FGFBP2: variants seen among roughly 807,000 people sequenced by gnomAD.
The protein encoded by FGFBP2 is fibroblast growth factor binding protein 2.
Under a neutral mutation model 7.3 loss-of-function variants are expected in FGFBP2, and 7 were observed. The ratio of observed to expected loss-of-function variants is 0.96; its 90% CI spans 0.55 to 1.81. FGFBP2 has a LOEUF of 1.81. FGFBP2 is among the 40% of genes most tolerant of loss of function. The pLI, the probability that FGFBP2 is intolerant of heterozygous loss-of-function variation, is 0.00. For missense variants in FGFBP2, 291 were observed against 280.1 expected, an observed-to-expected ratio of 1.04 and a Z score of -0.28; for synonymous variants, 131 against 110.2, an observed-to-expected ratio of 1.19 and a Z score of -1.18.
rs145552265 is a variant in FGFBP2, at chr4:15,962,437, C to A, written c.*20+1G>T. The A allele has an allele frequency of 3.9e-6, 6 of 1,535,574 alleles. No individual in the cohort carries two copies. In the African/African-American group the frequency reaches 8.3e-5, roughly 21 times the overall value. ...TATATGAGTAAAGGAAAGGGTATTA[C>A]CTGTAGGGGTCTTTCACCTGTCACC... On this transcript the variant is annotated splice_donor_variant, in intron 1 of 1. Transcript: ENST00000259989. LOFTEE classifies it low-confidence loss of function (3UTR_SPLICE).
At chr4:15,960,655 T>C (rs1713064672) in intron 1 of FGFBP2, 44 bp from the exon 2 acceptor site, 1 of 151,816 alleles carries the variant, frequency 6.6e-6, no homozygotes, top group Non-Finnish European at 1.5e-5. Context: ...GATGAAAAAT[T>C]CTTTCTTTGT....
rs369364893 is a variant in FGFBP2, at chr4:15,962,446, G to T, written c.*12C>A. 1 of 1,544,344 alleles carries T rather than the reference G, an allele frequency of 6.5e-7. No homozygotes were observed. The highest frequency in any genetic ancestry group is 1.4e-5 in the African/African-American group (1 of 72,778). The stretch of plus-strand genomic sequence containing the variant: ...AAAGGAAAGGGTATTACCTGTAGGG[G>T]TCTTTCACCTGTCACCCTCGGAAGA... On this transcript the variant is annotated 3_prime_UTR_variant, in exon 1 of 2. Coordinates refer to ENST00000259989, the MANE Select transcript of FGFBP2 (RefSeq NM_031950.4).
rs1041219863 is a variant in FGFBP2, at chr4:15,960,419, TG to T, written c.*212del. ...TGTCACTCTTGGGCCCATCAGCACC[TG>T]TTCCCTATCATATTGCTGAACTCTG... On this transcript the variant is annotated 3_prime_UTR_variant, in exon 2 of 2. Coordinates refer to ENST00000259989, the MANE Select transcript of FGFBP2 (RefSeq NM_031950.4). The T allele has an allele frequency of 1.3e-5, 2 of 152,188 alleles. No homozygotes were observed. The highest frequency in any genetic ancestry group is 4.8e-5 in the African/African-American group (2 of 41,440). 9.4% of individuals were successfully genotyped at this position (152,188 alleles called of 1,614,324 possible). A position where few individuals can be genotyped will look rare whatever the true frequency, so the allele number is the denominator to read the frequency against.
chr4:15,962,704 C>G lies in FGFBP2; in HGVS notation c.426G>C (p.Gln142His), dbSNP rs750668613. The G allele has an allele frequency of 2.5e-6, 4 of 1,614,082 alleles. No individual in the cohort carries two copies. The highest frequency in any genetic ancestry group is 3.4e-6 in the Non-Finnish European group (4 of 1,180,040). The change falls in exon 1 of 2, where the codon CAG becomes CAC. Residue 142 changes from glutamine to histidine, a missense_variant. By Grantham distance (24) the Gln-to-His change is conservative. Transcript: ENST00000259989. The part of the protein sequence containing the change: ...SLKGSPEPNQ[Q>H]PEAGTPSLRP... ...TCAGAGATGGCGTCCCAGCCTCAGGCTGCTGGTTGGGCTCTGGGCTGCCCT... is the reference window on the plus strand; with the variant it reads ...TCAGAGATGGCGTCCCAGCCTCAGGGTGCTGGTTGGGCTCTGGGCTGCCCT...
chr4:15,962,147 G>A (rs561028053), intron 1 of FGFBP2, among the ~76,000 whole-genome samples: 21 of 152,158 alleles, frequency 1.4e-4, no homozygotes, highest in Admixed American at 1.0e-3. Flanking sequence ...ACATTCCTGC[G>A]CTACTATGTT....
In FGFBP2 at chr4:15,960,600, G is replaced by A. The variant is rs550172522; in HGVS notation, c.*32C>T. On this transcript the variant is annotated 3_prime_UTR_variant, in exon 2 of 2. Coordinates refer to ENST00000259989, the MANE Select transcript of FGFBP2 (RefSeq NM_031950.4). Reference sequence around the variant, plus strand: ...TAAAAAGAGATGGTTGTCTGTCAGGGAGAGGTCAGATCTAAAAAAAAAAAA... The same window carrying A: ...TAAAAAGAGATGGTTGTCTGTCAGGAAGAGGTCAGATCTAAAAAAAAAAAA... 6.7e-6 allele frequency: 1 copy of A among 149,964 alleles called. No homozygotes were observed. Among genetic ancestry groups the A allele is most frequent in the Non-Finnish European group, 1.5e-5 (1 of 67,672 alleles). 9.3% of individuals were successfully genotyped at this position (149,964 alleles called of 1,614,324 possible).
chr4:15,962,047 C>T (rs369326267), intron 1 of FGFBP2, among the ~76,000 whole-genome samples: 2 of 152,168 alleles, frequency 1.3e-5, no homozygotes, highest in East Asian at 3.9e-4. Flanking sequence ...TTCCAAAGGC[C>T]TCGGTCTAAC....
In FGFBP2 at chr4:15,962,712, T is replaced by G; in HGVS notation, c.418A>C (p.Asn140His). ...GGCGTCCCAGCCTCAGGCTGCTGGT[T>G]GGGCTCTGGGCTGCCCTTGAGGCTG... ...TSSLKGSPEP[N>H]QQPEAGTPSL... Residue 140 changes from asparagine (N) to histidine (H), a missense_variant, in exon 1 of 2, where the codon AAC becomes CAC. Asn to His is a moderately conservative substitution (Grantham distance 68). Coordinates refer to ENST00000259989, the MANE Select transcript of FGFBP2 (RefSeq NM_031950.4). The G allele has an allele frequency of 6.2e-7, 1 of 1,613,962 alleles. No homozygotes were observed. The highest frequency in any genetic ancestry group is 1.3e-5 in the African/African-American group (1 of 75,050).
In FGFBP2 at chr4:15,962,818, A is replaced by G; in HGVS notation, c.312T>C (p.His104=). Residue 104 remains histidine, a synonymous_variant, in exon 1 of 2, where the codon CAT becomes CAC. Coordinates refer to ENST00000259989, the MANE Select transcript of FGFBP2 (RefSeq NM_031950.4). The part of the protein sequence containing the change: ...QALQELRRLH[H]ACQGAPVLRP... ...TAAGCACCGGGGCCCCCTGGCACGC[A>G]TGGTGAAGGCGCCTCAGCTCCTGCA... is the stretch of plus-strand genomic sequence containing the variant. The G allele has an allele frequency of 3.2e-6, 5 of 1,570,936 alleles. No individual in the cohort carries two copies. Among genetic ancestry groups the G allele is most frequent in the Non-Finnish European group, 4.3e-6 (5 of 1,159,956 alleles).
In FGFBP2 at chr4:15,962,598, T is replaced by A; in HGVS notation, c.532A>T (p.Thr178Ser). The A allele has an allele frequency of 6.2e-7, 1 of 1,613,830 alleles. No individual in the cohort carries two copies. Among genetic ancestry groups the A allele is most frequent in the Non-Finnish European group, 8.5e-7 (1 of 1,179,958 alleles). The change falls in exon 1 of 2, where the codon ACC becomes TCC. Residue 178 changes from threonine to serine, a missense_variant. Coordinates refer to ENST00000259989, the MANE Select transcript of FGFBP2 (RefSeq NM_031950.4). ...GTAGGTTTGGCTGTGGGTCGGGTGGTGGGTTTGGCTTTTCCCAGCTCTTCC... is the reference window on the plus strand; with the variant it reads ...GTAGGTTTGGCTGTGGGTCGGGTGGAGGGTTTGGCTTTTCCCAGCTCTTCC... The part of the protein sequence containing the change: ...SMEELGKAKP[T>S]TRPTAKPTQP...
At chr4:15,962,337 TG>T in intron 1 of FGFBP2, 100 bp downstream of exon 1, 1 of 1,025,146 alleles carries the variant, frequency 9.8e-7, no homozygotes, top group Non-Finnish European at 1.4e-6. Context: ...GACTCTGATG[TG>T]GTCGCAGCAG....
chr4:15,961,865 C>A lies in FGFBP2; in HGVS notation c.*20+573G>T, dbSNP rs372329213. On this transcript the variant is annotated intron_variant, in intron 1 of 1. Coordinates refer to ENST00000259989, the MANE Select transcript of FGFBP2 (RefSeq NM_031950.4). ...AGAGCTGTGAGAAAGACTTTAAAGA[C>A]TATTTGACTCAAACTTTCCTCAGTG... is the stretch of plus-strand genomic sequence containing the variant. Among the ~76,000 whole-genome samples the A allele has an allele frequency of 1.5e-3, 231 of 152,284 alleles. 2 individuals are homozygous for A. The highest frequency in any genetic ancestry group is 5.4e-3 in the African/African-American group (225 of 41,556).
chr4:15,962,325 G>A, intron 1 of FGFBP2, 113 bp downstream of exon 1: 1 of 948,276 alleles, frequency 1.1e-6, no homozygotes, highest in Non-Finnish European at 1.5e-6. Context: ...AACACACGCT[G>A]AGACTCTGAT....
chr4:15,960,330 C>T lies in FGFBP2; in HGVS notation c.*302G>A, dbSNP rs1380465462. The stretch of plus-strand genomic sequence containing the variant: ...TTCATGAATGCGTTACATATTTAAA[C>T]TTTCATAGAAGGCTCAGATCAACAA... On this transcript the variant is annotated 3_prime_UTR_variant, in exon 2 of 2. Coordinates refer to ENST00000259989, the MANE Select transcript of FGFBP2 (RefSeq NM_031950.4). 6.6e-6 allele frequency: 1 copy of T among 152,190 alleles called. No individual in the cohort carries two copies. The highest frequency in any genetic ancestry group is 1.5e-5 in the Non-Finnish European group (1 of 68,030). 9.4% of individuals were successfully genotyped at this position (152,190 alleles called of 1,614,324 possible). A position where few individuals can be genotyped will look rare whatever the true frequency, so the allele number is the denominator to read the frequency against.
rs1713059655 is a variant in FGFBP2, at chr4:15,960,485, G to C, written c.*147C>G. On this transcript the variant is annotated 3_prime_UTR_variant, in exon 2 of 2. Coordinates refer to ENST00000259989, the MANE Select transcript of FGFBP2 (RefSeq NM_031950.4). ...GAAGGTTTCTTTTCCAAACTTCAGA[G>C]AAGCTGCAGATCAAGAATTTGGGCC... The C allele has an allele frequency of 6.6e-6, 1 of 152,094 alleles. No individual in the cohort carries two copies. Among genetic ancestry groups the C allele is most frequent in the African/African-American group, 2.4e-5 (1 of 41,412 alleles). The allele number at this position is 152,094 out of a possible 1,614,324, so 9.4% of individuals were successfully genotyped here.
In FGFBP2 at chr4:15,962,503, G is replaced by A; in HGVS notation, c.627C>T (p.Pro209=). ...KKKAWEHCWK[P]FQALCAFLIS... ...TGAGAAAGGCGCACAGGGCCTGGAA[G>A]GGTTTCCAACAATGTTCCCAGGCCT... Residue 209 remains proline, a synonymous_variant, in exon 1 of 2, where the codon CCC becomes CCT. Coordinates refer to ENST00000259989, the MANE Select transcript of FGFBP2 (RefSeq NM_031950.4). 6.3e-7 allele frequency: 1 copy of A among 1,599,542 alleles called. No homozygotes were observed. Among genetic ancestry groups the A allele is most frequent in the Non-Finnish European group, 8.5e-7 (1 of 1,170,808 alleles).
chr4:15,961,628 A>C (rs1484369429), intron 1 of FGFBP2, among the ~76,000 whole-genome samples: 1 of 152,246 alleles, frequency 6.6e-6, no homozygotes, highest in East Asian at 1.9e-4. Context: ...CTCAAAGTGC[A>C]CAAGTAAGAC....
Position 15,962,831 on chromosome 4 carries a change from C to T in FGFBP2, c.299G>A (p.Arg100Lys). 2 of 1,565,862 alleles carry T rather than the reference C, an allele frequency of 1.3e-6. No individual in the cohort carries two copies. Among genetic ancestry groups the T allele is most frequent in the Non-Finnish European group, 1.7e-6 (2 of 1,158,248 alleles). The change falls in exon 1 of 2, where the codon AGG becomes AAG. Residue 100 changes from arginine (R) to lysine (K), a missense_variant. Coordinates refer to ENST00000259989, the MANE Select transcript of FGFBP2 (RefSeq NM_031950.4). ...PYWNQALQELRRLHHACQGAP... is the reference protein window; with the variant it reads ...PYWNQALQELKRLHHACQGAP... ...CCCCTGGCACGCATGGTGAAGGCGC[C>T]TCAGCTCCTGCAGGGCTTGATTCCA...
At position 15,962,847 on chromosome 4, in the gene FGFBP2, CT is replaced by C; in HGVS notation, c.282del (p.Ala95ProfsTer5). ...FAADPKPYWN[Q>X]ALQELRRLHH... Reference sequence around the variant, plus strand: ...TGAAGGCGCCTCAGCTCCTGCAGGGCTTGATTCCAGTAAGGTTTGGGGTCAG... The same window carrying C: ...TGAAGGCGCCTCAGCTCCTGCAGGGCTGATTCCAGTAAGGTTTGGGGTCAG... On this transcript the variant is annotated frameshift_variant, in exon 1 of 2. Transcript: ENST00000259989. LOFTEE classifies it low-confidence loss of function (END_TRUNC). 2 of 1,562,516 alleles carry C rather than the reference CT, an allele frequency of 1.3e-6. No individual in the cohort carries two copies. The highest frequency in any genetic ancestry group is 2.3e-5 in the East Asian group (1 of 44,398).
Sources: allele counts gnomAD v4.1 joint callset (sites outside exome capture counted in the v4.1 genomes callset), GRCh38; gene constraint gnomAD v4.1.1; transcripts MANE v1.5; gene names NCBI Gene and HGNC (gene_info 2026-07-23, HGNC 2026-07-21).